The following PLCB4 variants were observed in gnomAD, a reference collection of about 807,000 sequenced individuals.
PLCB4 encodes the protein phospholipase C beta 4, also known as 1-phosphatidylinositol 4,5-bisphosphate phosphodiesterase beta-4.
In PLCB4, 77 loss-of-function variants were observed where a neutral mutation model predicts 178.8. The observed-to-expected ratio is 0.43, with a 90% CI of 0.36 to 0.52. The LOEUF is 0.52. Among genes scored for constraint, PLCB4 ranks in the 20% least tolerant of loss-of-function variants. The pLI, the probability that PLCB4 is intolerant of heterozygous loss-of-function variation, is 0.00. For missense variants in PLCB4, 1,024 were observed against 1,453.4 expected, an observed-to-expected ratio of 0.70 and a Z score of 4.80; for synonymous variants, 496 against 490.8, an observed-to-expected ratio of 1.01 and a Z score of -0.14.
At chr20:9,073,732 T>C (rs2089684892) in intron 1 of PLCB4, among the ~76,000 whole-genome samples, 1 of 151,602 alleles carries the variant, frequency 6.6e-6, no homozygotes, top group Admixed American at 6.6e-5. Flanking sequence ...AAAATACCAA[T>C]AAAAAAATTA....
intron 1 of PLCB4, among the ~76,000 whole-genome samples, chr20:9,087,798 A>T (rs1325636358): frequency 6.6e-6 from 1 of 152,204 alleles, no homozygotes; most frequent in Non-Finnish European, 1.5e-5. Flanking sequence ...TTGCAGGTCC[A>T]TTGGCATCAT....
intron 3 of PLCB4, among the ~76,000 whole-genome samples, chr20:9,235,490 T>C (rs536153568): frequency 2.0e-4 from 30 of 152,344 alleles, no homozygotes; most frequent in African/African-American, 7.0e-4. Flanking sequence ...TTTTCTGTAG[T>C]GGACAACAAA....
At chr20:9,276,922 G>A (rs1383891534) in intron 3 of PLCB4, among the ~76,000 whole-genome samples, 1 of 152,024 alleles carries the variant, frequency 6.6e-6, no homozygotes, top group Non-Finnish European at 1.5e-5. Context: ...GGGTGACAGA[G>A]CAAGATCTTG....
At chr20:9,476,786 CT>C in intron 39 of PLCB4, 33 bp downstream of exon 39, 1 of 1,501,486 alleles carries the variant, frequency 6.7e-7, no homozygotes, top group Non-Finnish European at 9.3e-7. Context: ...CAAGACGTTG[CT>C]TTCCTTCTCG....
rs762218499 is a variant in PLCB4, at chr20:9,380,103, C to T, written c.794C>T (p.Ala265Val). Residue 265 changes from alanine to valine, a missense_variant, in exon 13 of 40, where the codon GCC (alanine) becomes GTC (valine). By Grantham distance (64) the Ala-to-Val change is moderately conservative. Coordinates refer to ENST00000378473, the MANE Select transcript of PLCB4 (RefSeq NM_001377142.1). ...LNEILFPFYDAKRAMQIIEMY... is the reference protein window; with the variant it reads ...LNEILFPFYDVKRAMQIIEMY... ...GAAATTTTATTTCCATTTTATGATG[C>T]CAAAAGGGCAATGCAGATCATTGAG... 6 of 1,595,560 alleles carry T rather than the reference C, an allele frequency of 3.8e-6. No homozygotes were observed. The South Asian group carries it at 6.8e-5, about 18-fold the overall frequency.
intron 2 of PLCB4, among the ~76,000 whole-genome samples, chr20:9,119,095 A>T (rs942342375): frequency 2.6e-5 from 4 of 152,226 alleles, no homozygotes; most frequent in African/African-American, 9.6e-5. Context: ...TCAAAAGCTT[A>T]GACTAATAGT....
intron 3 of PLCB4, among the ~76,000 whole-genome samples, chr20:9,284,009 C>A (rs925748990): frequency 1.3e-5 from 2 of 151,950 alleles, no homozygotes; most frequent in Non-Finnish European, 2.9e-5. Context: ...GCACCCACTA[C>A]GTGGCCCATA....
intron 4 of PLCB4, among the ~76,000 whole-genome samples, chr20:9,329,961 C>T (rs971371584): frequency 1.2e-4 from 18 of 152,228 alleles, no homozygotes; most frequent in Admixed American, 1.1e-3. Flanking sequence ...ATAAATCATT[C>T]TGATGGCAGG....
intron 3 of PLCB4, among the ~76,000 whole-genome samples, chr20:9,266,235 T>C (rs368911551): frequency 6.6e-6 from 1 of 152,206 alleles, no homozygotes; most frequent in East Asian, 1.9e-4. Context: ...CCAGATCTAC[T>C]GAATGAGAAT....
intron 2 of PLCB4, among the ~76,000 whole-genome samples, chr20:9,205,567 C>T (rs1433172043): frequency 6.6e-6 from 1 of 152,160 alleles, no homozygotes; most frequent in Admixed American, 6.5e-5. Context: ...TTTTACAAAA[C>T]AGCAGTACAG....
chr20:9,099,590 T>C (rs1056859832), intron 2 of PLCB4, among the ~76,000 whole-genome samples: 2 of 152,176 alleles, frequency 1.3e-5, no homozygotes, highest in African/African-American at 4.8e-5. Context: ...AGAAAGTTTT[T>C]TTTTTTTACA....
intron 1 of PLCB4, among the ~76,000 whole-genome samples, chr20:9,072,020 G>T (rs1044800475): frequency 6.6e-6 from 1 of 152,148 alleles, no homozygotes; most frequent in Non-Finnish European, 1.5e-5. Flanking sequence ...ATCACAGTTG[G>T]TATTTTATGT....
At chr20:9,355,465 C>T (rs895618261) in intron 7 of PLCB4, among the ~76,000 whole-genome samples, 1 of 151,744 alleles carries the variant, frequency 6.6e-6, no homozygotes, top group South Asian at 2.1e-4. Context: ...CCACAACAGT[C>T]CCCAGAGTGT....
At chr20:9,470,897 T>G (rs2044148153) in intron 36 of PLCB4, among the ~76,000 whole-genome samples, 1 of 152,218 alleles carries the variant, frequency 6.6e-6, no homozygotes, top group South Asian at 2.1e-4. Context: ...ATTGGCTGTT[T>G]TTTAAAAAAT....
intron 1 of PLCB4, among the ~76,000 whole-genome samples, chr20:9,084,669 A>G (rs2090316211): frequency 6.6e-6 from 1 of 152,204 alleles, no homozygotes; most frequent in African/African-American, 2.4e-5. Flanking sequence ...TTTATCACCA[A>G]TGGAGAAATA....
chr20:9,254,104 T>C (rs1194430565), intron 3 of PLCB4, among the ~76,000 whole-genome samples: 1 of 152,216 alleles, frequency 6.6e-6, no homozygotes, highest in Non-Finnish European at 1.5e-5. Context: ...CTGTGCAGTA[T>C]ACATTTCCAT....
chr20:9,341,696 C>T (rs970306633), intron 7 of PLCB4, among the ~76,000 whole-genome samples: 1 of 151,372 alleles, frequency 6.6e-6, no homozygotes, highest in African/African-American at 2.4e-5. Context: ...TATAAGTGGG[C>T]CCACATAGTT....
chr20:9,390,024 C>T (rs979777352), intron 16 of PLCB4, 66 bp downstream of exon 16: 6 of 807,226 alleles, frequency 7.4e-6, no homozygotes, highest in Non-Finnish European at 1.3e-5. Flanking sequence ...ATGCCCACTC[C>T]TGCTCTACAA....
At chr20:9,325,164 G>T (rs1032719996) in intron 4 of PLCB4, among the ~76,000 whole-genome samples, 8 of 152,264 alleles carry the variant, frequency 5.3e-5, no homozygotes, top group African/African-American at 1.9e-4. Context: ...GGTGTTTCCG[G>T]TGCAACTACA....
Sources: allele counts gnomAD v4.1 joint callset (sites outside exome capture counted in the v4.1 genomes callset), GRCh38; gene constraint gnomAD v4.1.1; transcripts MANE v1.5; gene names NCBI Gene and HGNC (gene_info 2026-07-23, HGNC 2026-07-21).